The following C9orf57 variants were observed in gnomAD, a reference collection of about 807,000 sequenced individuals.
The protein encoded by C9orf57 is uncharacterized protein C9orf57.
In C9orf57, 12 loss-of-function variants were observed where a neutral mutation model predicts 12.9. That is an observed-to-expected ratio of 0.93 (90% CI 0.60 to 1.51). The LOEUF (loss-of-function observed/expected upper bound fraction) is 1.51, where lower values mean the gene tolerates loss of function less well. Among genes scored for constraint, C9orf57 ranks in the 40% most tolerant of loss-of-function variants. The pLI, the probability that C9orf57 is intolerant of heterozygous loss-of-function variation, is 0.00. For synonymous variants in C9orf57, 49 were observed against 57.1 expected, an observed-to-expected ratio of 0.86 and a Z score of 0.64; for missense variants, 141 against 162.8, an observed-to-expected ratio of 0.87 and a Z score of 0.73.
intron 4 of C9orf57, among the ~76,000 whole-genome samples, chr9:72,054,914 A>ATT (rs71353558): frequency 0.42 from 40,874 of 96,326 alleles, 9,812 homozygotes; most frequent in Non-Finnish European, 0.52. Context: ...GGGGTTTGGG[A>ATT]TTTTTTTTTT....
rs145305349 is a variant in C9orf57 at position 72,057,274 on chromosome 9, G to A, written c.98-431C>T. Among the ~76,000 whole-genome samples the A allele has an allele frequency of 2.7e-4, 41 of 152,158 alleles. No individual in the cohort carries two copies. The South Asian group carries it at 8.1e-3, about 30-fold the overall frequency. Reference sequence around the variant, plus strand: ...TGGAATTTCACTCGTTGCCCAGGCTGGAGAGCAATGGCATGATCTCGGCTC... The same window carrying A: ...TGGAATTTCACTCGTTGCCCAGGCTAGAGAGCAATGGCATGATCTCGGCTC... On this transcript the variant is annotated intron_variant, in intron 2 of 4. Coordinates refer to ENST00000651200, the MANE Select transcript of C9orf57 (RefSeq NM_001128618.2).
At chr9:72,054,833 A>G (rs1477021590) in intron 4 of C9orf57, among the ~76,000 whole-genome samples, 1 of 150,822 alleles carries the variant, frequency 6.6e-6, no homozygotes, top group Non-Finnish European at 1.5e-5. Flanking sequence ...ACATTTTGGA[A>G]TTATCACACA....
At chr9:72,060,094 TG>T (rs1824298882) in intron 1 of C9orf57, among the ~76,000 whole-genome samples, 1 of 152,204 alleles carries the variant, frequency 6.6e-6, no homozygotes, top group Non-Finnish European at 1.5e-5. Flanking sequence ...GTTGCCAGAC[TG>T]GAGTGCAATG....
chr9:72,055,403 T>G (rs1350160636), intron 4 of C9orf57, among the ~76,000 whole-genome samples: 1 of 112,152 alleles, frequency 8.9e-6, no homozygotes, highest in Non-Finnish European at 1.8e-5. Flanking sequence ...CTTCCTTCCT[T>G]CCTTCCTTCC....
rs1306280845 is a variant in C9orf57, at chr9:72,059,376, C to A, written c.-45G>T. On this transcript the variant is annotated 5_prime_UTR_variant, in exon 2 of 5. Coordinates refer to ENST00000651200, the MANE Select transcript of C9orf57 (RefSeq NM_001128618.2). ...AGGAGATGAAAGGAAAGACACGTCC[C>A]ACTGATTTCTGGGGAAGCAATAAAG... 1 of 1,551,760 alleles carries A rather than the reference C, an allele frequency of 6.4e-7. No homozygotes were observed. The highest frequency in any genetic ancestry group is 1.2e-5 in the South Asian group (1 of 84,050).
chr9:72,052,275 T>A lies in C9orf57; in HGVS notation c.*21A>T. On this transcript the variant is annotated 3_prime_UTR_variant, in exon 5 of 5. Transcript: ENST00000651200. Reference sequence around the variant, plus strand: ...TCGAGACTGATTGATCTGCCAAGCATTTTAGATATGGGCCACTGACTCAGA... The same window carrying A: ...TCGAGACTGATTGATCTGCCAAGCAATTTAGATATGGGCCACTGACTCAGA... 6.4e-7 allele frequency: 1 copy of A among 1,550,914 alleles called. No individual in the cohort carries two copies. Among genetic ancestry groups the A allele is most frequent in the South Asian group, 1.2e-5 (1 of 83,944 alleles).
In C9orf57 at chr9:72,052,369, A is replaced by G; in HGVS notation, c.347T>C (p.Leu116Pro). ...KNTSECFKST[L>P]VKRILQLHEL... ...ATGCAGTTGCAGAATTCTCTTGACG[A>G]GAGTACTCTTGAAGCACTCTGATGT... The change falls in exon 5 of 5, where the codon CTC becomes CCC. Residue 116 changes from leucine (L) to proline (P), a missense_variant. Leu to Pro is a moderately conservative substitution (Grantham distance 98). Coordinates refer to ENST00000651200, the MANE Select transcript of C9orf57 (RefSeq NM_001128618.2). 5.2e-6 allele frequency: 8 copies of G among 1,552,112 alleles called. No homozygotes were observed. Among genetic ancestry groups the G allele is most frequent in the Non-Finnish European group, 7.0e-6 (8 of 1,147,062 alleles).
chr9:72,055,380 CCTTCCTTCCTTCCTTCCTTCCT>C (rs1824173186), intron 4 of C9orf57, among the ~76,000 whole-genome samples: 11 of 35,500 alleles, frequency 3.1e-4, no homozygotes, highest in Middle Eastern at 0.02. Flanking sequence ...CTCCCTCCTT[CCTTCCTTCCTTCCTTCCTTCCT>C]TCCTTCCTTC....
chr9:72,056,733 C>A, intron 3 of C9orf57, 51 bp downstream of exon 3: 1 of 1,525,784 alleles, frequency 6.6e-7, no homozygotes, highest in South Asian at 1.2e-5. Flanking sequence ...TTGTGATAAG[C>A]ATTTTCCCTG....
At chr9:72,058,026 A>C (rs1824244324) in intron 2 of C9orf57, among the ~76,000 whole-genome samples, 1 of 152,194 alleles carries the variant, frequency 6.6e-6, no homozygotes, top group Non-Finnish European at 1.5e-5. Context: ...GGGCCCCCAA[A>C]AACCTGAGTT....
Position 72,055,374 on chromosome 9 carries a change from C to T in C9orf57, c.280+700G>A, listed in dbSNP as rs571616491. 6.0e-4 allele frequency among the ~76,000 whole-genome samples: 35 copies of T among 58,154 alleles called. 2 individuals carry two copies. Among genetic ancestry groups the T allele is most frequent in the African/African-American group, 2.8e-3 (32 of 11,584 alleles). 38.2% of individuals were successfully genotyped at this position (58,154 alleles called of 152,430 possible). A position where few individuals can be genotyped will look rare whatever the true frequency, so the allele number is the denominator to read the frequency against. On this transcript the variant is annotated intron_variant, in intron 4 of 4. Transcript: ENST00000651200. ...ATTCTTTCCCTCCCTCCCTCCCTCC[C>T]TCCTTCCTTCCTTCCTTCCTTCCTT...
At chr9:72,056,641 C>G (rs575697685) in intron 3 of C9orf57, 143 bp downstream of exon 3, 8 of 764,202 alleles carry the variant, frequency 1.0e-5, no homozygotes, top group Admixed American at 9.2e-5. Context: ...TGACAGGGTC[C>G]ATCCAGCTCT....
In C9orf57 at chr9:72,051,620, A is replaced by C. The variant is rs2132429440; in HGVS notation, c.*676T>G. ...CTTCTCTGCTTACCTTGAACTGCTT[A>C]ATCTGCCAAAATTGAACAAGCCAAA... On this transcript the variant is annotated 3_prime_UTR_variant, in exon 5 of 5. Coordinates refer to ENST00000651200, the MANE Select transcript of C9orf57 (RefSeq NM_001128618.2). 6.6e-6 allele frequency: 1 copy of C among 152,342 alleles called. No homozygotes were observed. The highest frequency in any genetic ancestry group is 2.1e-4 in the South Asian group (1 of 4,824). 9.4% of individuals were successfully genotyped at this position (152,342 alleles called of 1,614,324 possible). A position where few individuals can be genotyped will look rare whatever the true frequency, so the allele number is the denominator to read the frequency against.
intron 4 of C9orf57, among the ~76,000 whole-genome samples, chr9:72,055,298 T>G (rs963327793): frequency 6.6e-6 from 1 of 151,518 alleles, no homozygotes; most frequent in Non-Finnish European, 1.5e-5. Flanking sequence ...CTTCCTGCCT[T>G]CCTTCCTTCC....
intron 2 of C9orf57, 81 bp from the exon 3 acceptor site, chr9:72,056,924 T>TC (rs985661987): frequency 2.4e-6 from 3 of 1,252,982 alleles, no homozygotes; most frequent in Non-Finnish European, 2.2e-6. Flanking sequence ...TTTTTTTTTT[T>TC]TTGAGACAGG....
chr9:72,057,893 C>T lies in C9orf57; in HGVS notation c.98-1050G>A, dbSNP rs78920920. Among the ~76,000 whole-genome samples the T allele has an allele frequency of 7.3e-4, 111 of 152,168 alleles. 2 individuals carry two copies. Among genetic ancestry groups the T allele is most frequent in the African/African-American group, 2.5e-3 (102 of 41,530 alleles). ...ATTCATTTTGTTTATATAGAAATAG[C>T]CCAGAGATTCTTGAACTGGTCAATA... On this transcript the variant is annotated intron_variant, in intron 2 of 4. Coordinates refer to ENST00000651200, the MANE Select transcript of C9orf57 (RefSeq NM_001128618.2).
intron 2 of C9orf57, 83 bp from the exon 3 acceptor site, chr9:72,056,926 T>TC: frequency 8.8e-7 from 1 of 1,139,012 alleles, no homozygotes; most frequent in Non-Finnish European, 1.2e-6. Flanking sequence ...TTTTTTTTTT[T>TC]GAGACAGGGT....
At chr9:72,056,565 CTA>C (rs1824207013) in intron 3 of C9orf57, among the ~76,000 whole-genome samples, 1 of 151,856 alleles carries the variant, frequency 6.6e-6, no homozygotes, top group African/African-American at 2.4e-5. Flanking sequence ...GACTCATTAG[CTA>C]TGTGACTGTG....
Position 72,052,131 on chromosome 9 carries a change from G to A in C9orf57, c.*165C>T. On this transcript the variant is annotated 3_prime_UTR_variant, in exon 5 of 5. Transcript: ENST00000651200. Reference sequence around the variant, plus strand: ...AGTTGGAGGTGGTGGGGGAGATATTGGGAATATTGAAAACCAAAGTCAATT... The same window carrying A: ...AGTTGGAGGTGGTGGGGGAGATATTAGGAATATTGAAAACCAAAGTCAATT... 1 of 655,752 alleles carries A rather than the reference G, an allele frequency of 1.5e-6. No individual in the cohort carries two copies. The highest frequency in any genetic ancestry group is 2.9e-5 in the East Asian group (1 of 34,292). 40.6% of individuals were successfully genotyped at this position (655,752 alleles called of 1,614,324 possible). A position where few individuals can be genotyped will look rare whatever the true frequency, so the allele number is the denominator to read the frequency against.
Sources: allele counts gnomAD v4.1 joint callset (sites outside exome capture counted in the v4.1 genomes callset), GRCh38; gene constraint gnomAD v4.1.1; transcripts MANE v1.5; gene names NCBI Gene and HGNC (gene_info 2026-07-23, HGNC 2026-07-21).